Variants in CDK5RAP2 observed in about 807,000 individuals in gnomAD.
CDK5RAP2 encodes the protein CDK5 regulatory subunit associated protein 2, also known as CDK5 regulatory subunit-associated protein 2.
CDK5RAP2 carries 147 observed loss-of-function variants against 232.9 expected under a neutral mutation model. The ratio of observed to expected loss-of-function variants is 0.63; its 90% confidence interval spans 0.55 to 0.72. The LOEUF is 0.72. CDK5RAP2 is among the 30% of genes least tolerant of loss of function. The pLI, the probability that CDK5RAP2 is intolerant of heterozygous loss-of-function variation, is 0.00. For missense variants in CDK5RAP2, 2,195 were observed against 2,231.5 expected, an observed-to-expected ratio of 0.98 and a Z score of 0.33; for synonymous variants, 833 against 833.7, an observed-to-expected ratio of 1.00 and a Z score of 0.01.
chr9:120,559,731 G>A (rs2042395059), intron 3 of CDK5RAP2, among the ~76,000 whole-genome samples: 1 of 152,086 alleles, frequency 6.6e-6, no homozygotes, highest in Non-Finnish European at 1.5e-5. Flanking sequence ...CCAGCCCTTG[G>A]AAGCCATGTG....
chr9:120,456,243 G>A (rs2036767749), intron 20 of CDK5RAP2, among the ~76,000 whole-genome samples: 1 of 152,222 alleles, frequency 6.6e-6, no homozygotes, highest in Non-Finnish European at 1.5e-5. Context: ...GCAAAGAGCA[G>A]GGGACAGAAG....
At chr9:120,528,205 A>G (rs897886415) in intron 9 of CDK5RAP2, among the ~76,000 whole-genome samples, 7 of 152,234 alleles carry the variant, frequency 4.6e-5, no homozygotes, top group African/African-American at 1.2e-4. Flanking sequence ...TGGAATTTGA[A>G]TACAGTCAGT....
At chr9:120,423,273 C>T (rs2034681484) in intron 25 of CDK5RAP2, among the ~76,000 whole-genome samples, 1 of 152,186 alleles carries the variant, frequency 6.6e-6, no homozygotes, top group Admixed American at 6.5e-5. Flanking sequence ...TGTAGGCATG[C>T]ATTACCACAA....
chr9:120,482,083 G>T (rs2038350185), intron 14 of CDK5RAP2, among the ~76,000 whole-genome samples: 1 of 152,188 alleles, frequency 6.6e-6, no homozygotes, highest in Non-Finnish European at 1.5e-5. Context: ...GAAGTAACTT[G>T]TTTGAGTCCA....
intron 32 of CDK5RAP2, among the ~76,000 whole-genome samples, chr9:120,405,115 A>G (rs901115136): frequency 1.3e-5 from 2 of 152,188 alleles, no homozygotes; most frequent in African/African-American, 4.8e-5. Context: ...GGGGTGTGCT[A>G]CAGTTCCTAA....
chr9:120,398,083 A>C (rs989789574), intron 35 of CDK5RAP2, among the ~76,000 whole-genome samples: 1 of 152,214 alleles, frequency 6.6e-6, no homozygotes, highest in Admixed American at 6.5e-5. Flanking sequence ...AGTTCCCTTT[A>C]GCGGGCAAAG....
At chr9:120,486,410 A>T (rs1305402750) in intron 14 of CDK5RAP2, among the ~76,000 whole-genome samples, 15 of 97,950 alleles carry the variant, frequency 1.5e-4, no homozygotes, top group South Asian at 6.6e-4. Context: ...TTTTTCTTTT[A>T]AAAAAAAAAA....
intron 5 of CDK5RAP2, among the ~76,000 whole-genome samples, chr9:120,539,487 TAAATA>T (rs745543979): frequency 7.2e-5 from 11 of 152,322 alleles, no homozygotes; most frequent in South Asian, 2.1e-4. Flanking sequence ...TTTGTGTCAA[TAAATA>T]AAAGTCTATA....
At chr9:120,514,460 A>T (rs1404123497) in intron 12 of CDK5RAP2, among the ~76,000 whole-genome samples, 1 of 152,216 alleles carries the variant, frequency 6.6e-6, no homozygotes, top group Non-Finnish European at 1.5e-5. Context: ...GGCCATCCTG[A>T]CAAGAAACCA....
chr9:120,413,366 G>A (rs927729795), intron 28 of CDK5RAP2, among the ~76,000 whole-genome samples: 4 of 152,210 alleles, frequency 2.6e-5, no homozygotes, highest in South Asian at 2.1e-4. Context: ...ATTCCACCTC[G>A]ATATTGTAAG....
chr9:120,461,037 C>T (rs1167756181), intron 18 of CDK5RAP2, among the ~76,000 whole-genome samples: 1 of 152,170 alleles, frequency 6.6e-6, no homozygotes, highest in Non-Finnish European at 1.5e-5. Context: ...ATAAAAGTAA[C>T]AAGATTTTGG....
Position 120,534,909 on chromosome 9 carries a change from G to A in CDK5RAP2, c.662+1463C>T, listed in dbSNP as rs552987309. ...GGTTGGGAGAGATACAAGGGAACAC[G>A]GAAATGATTCTGTGGAATTCTCACA... On this transcript the variant is annotated intron_variant, in intron 7 of 37. Transcript: ENST00000349780. 4.6e-5 allele frequency among the ~76,000 whole-genome samples: 7 copies of A among 152,304 alleles called. No individual in the cohort carries two copies. In the South Asian group the frequency reaches 1.2e-3, roughly 27 times the overall value.
chr9:120,518,704 A>C, intron 11 of CDK5RAP2, 59 bp from the exon 12 acceptor site: 5 of 1,365,014 alleles, frequency 3.7e-6, no homozygotes, highest in Non-Finnish European at 5.2e-6. Flanking sequence ...GAAACAAACC[A>C]AGAAACCTGG....
rs1467268696 is a variant in CDK5RAP2 at position 120,419,923 on chromosome 9, G to A, written c.4042C>T (p.Pro1348Ser). Residue 1348 changes from proline (P) to serine (S), a missense_variant, in exon 27 of 38, where the codon CCT becomes TCT. Physicochemically the swap from Pro to Ser is moderately conservative, Grantham distance 74 (BLOSUM62 -1). Transcript: ENST00000349780. ...EDNLTYQHLL[P>S]ESPEPSASHA... ...GAGGCTGAAGGCTCAGGAGATTCAGGCAGAAGATGTTGGTAGGTTAAGTTG... is the reference window on the plus strand; with the variant it reads ...GAGGCTGAAGGCTCAGGAGATTCAGACAGAAGATGTTGGTAGGTTAAGTTG... 1 of 1,613,850 alleles carries A rather than the reference G, an allele frequency of 6.2e-7. No individual in the cohort carries two copies. The highest frequency in any genetic ancestry group is 1.3e-5 in the African/African-American group (1 of 74,918).
rs1217044864 is a variant in CDK5RAP2 at position 120,579,852 on chromosome 9, G to A, written c.59+68C>T. The A allele has an allele frequency of 9.1e-6, 12 of 1,321,246 alleles. 1 individual carries two copies. Among genetic ancestry groups the A allele is most frequent in the Admixed American group, 6.8e-5 (4 of 59,006 alleles). 81.8% of individuals were successfully genotyped at this position (1,321,246 alleles called of 1,614,324 possible). On this transcript the variant is annotated intron_variant, in intron 1 of 37. Transcript: ENST00000349780. ...CCTCAAGAGCAAACCCCAAGGCCGCGTTAGAACGAAATCCCACCAGCTGGA... is the reference window on the plus strand; with the variant it reads ...CCTCAAGAGCAAACCCCAAGGCCGCATTAGAACGAAATCCCACCAGCTGGA...
intron 27 of CDK5RAP2, among the ~76,000 whole-genome samples, chr9:120,418,265 A>C (rs1447528824): frequency 6.6e-6 from 1 of 152,192 alleles, no homozygotes; most frequent in Non-Finnish European, 1.5e-5. Flanking sequence ...ACAGAGGAGC[A>C]AGAAATAGAA....
At chr9:120,407,952 C>T (rs2033590174) in intron 31 of CDK5RAP2, 4 of 290,754 alleles carry the variant, frequency 1.4e-5, no homozygotes, top group Non-Finnish European at 2.0e-5. Context: ...TGGGTGCCTA[C>T]TATGTGTCAG....
intron 16 of CDK5RAP2, among the ~76,000 whole-genome samples, chr9:120,471,188 G>C (rs1230464922): frequency 6.6e-6 from 1 of 152,198 alleles, no homozygotes; most frequent in Non-Finnish European, 1.5e-5. Flanking sequence ...AAGGGAATCA[G>C]ATACCAACCC....
At chr9:120,490,268 G>A (rs952326616) in intron 13 of CDK5RAP2, among the ~76,000 whole-genome samples, 10 of 152,206 alleles carry the variant, frequency 6.6e-5, no homozygotes, top group Admixed American at 2.0e-4. Context: ...TTTGCTGGAG[G>A]ACCCCCAATT....
Sources: allele counts gnomAD v4.1 joint callset (sites outside exome capture counted in the v4.1 genomes callset), GRCh38; gene constraint gnomAD v4.1.1; transcripts MANE v1.5; gene names NCBI Gene and HGNC (gene_info 2026-07-23, HGNC 2026-07-21).